The following CRAMP1 variants were observed in gnomAD, a reference collection of about 807,000 sequenced individuals.
CRAMP1 encodes the protein cramped chromatin regulator 1.
A neutral mutation model predicts 115.4 loss-of-function variants in CRAMP1; 50 were observed. That is an observed-to-expected ratio of 0.43 (90% CI 0.35 to 0.55). CRAMP1 has a LOEUF of 0.55. CRAMP1 is among the 20% of genes least tolerant of loss of function. The pLI is 0.01. For synonymous variants in CRAMP1, 866 were observed against 745.4 expected (o/e 1.16, Z -2.64); for missense variants, 1,679 against 1,721.7 (o/e 0.98, Z 0.44).
chr16:1,639,569 T>G (rs754363738), intron 5 of CRAMP1, among the ~76,000 whole-genome samples: 3 of 152,158 alleles, frequency 2.0e-5, no homozygotes, highest in Non-Finnish European at 4.4e-5. Flanking sequence ...AAAGTTACAC[T>G]TCTTTGCAAA....
chr16:1,658,189 C>T (rs983939736), intron 10 of CRAMP1, among the ~76,000 whole-genome samples: 3 of 152,042 alleles, frequency 2.0e-5, no homozygotes, highest in Non-Finnish European at 4.4e-5. Context: ...ATCAAGGGGG[C>T]TGGAGGAAAG....
rs1280913332 is a variant in CRAMP1 at position 1,666,742 on chromosome 16, ACT to A, written c.3036+145_3036+146del. The A allele has an allele frequency of 7.9e-6, 6 of 762,532 alleles. No individual in the cohort carries two copies. The highest frequency in any genetic ancestry group is 1.3e-5 in the Non-Finnish European group (6 of 467,876). 47.2% of individuals were successfully genotyped at this position (762,532 alleles called of 1,614,324 possible). A position where few individuals can be genotyped will look rare whatever the true frequency, so the allele number is the denominator to read the frequency against. On this transcript the variant is annotated intron_variant, in intron 16 of 20. Transcript: ENST00000397412. The surrounding 1 kb of genome is among the most constrained non-coding windows in gnomAD (Gnocchi z 5.0). ...ACCAGGGGTGCCATGGCATAAGCAA[ACT>A]CTGTGTAGTACAGAGCAGGAGAGGC...
At position 1,652,853 on chromosome 16, in the gene CRAMP1, T is replaced by C. The variant is rs571037370; in HGVS notation, c.914-180T>C. ...CCTCTCTGGACCAGTCTGTGGCCTT[T>C]GCAAACCCCTGAGCAGCTACATTGG... On this transcript the variant is annotated intron_variant, in intron 7 of 20. Coordinates refer to ENST00000397412, the MANE Select transcript of CRAMP1 (RefSeq NM_020825.4). Among the ~76,000 whole-genome samples, 4 of 152,318 alleles carry C rather than the reference T, an allele frequency of 2.6e-5. No homozygotes were observed. The East Asian group carries it at 7.7e-4, about 29-fold the overall frequency.
Position 1,614,912 on chromosome 16 carries a change from C to A in CRAMP1, c.273C>A (p.Ser91Arg). ...HFLRSSVRPQ[S>R]KRPRKDPPSA... is the part of the protein sequence containing the mutation. ...TCCGGTCCAGCGTGCGGCCGCAGAG[C>A]AAGAGGCCCAGGAAGGATCCTCCGA... The change falls in exon 2 of 21, where the codon AGC (serine) becomes AGA (arginine). Residue 91 changes from serine to arginine, a missense_variant. By Grantham distance (110) the Ser-to-Arg change is moderately radical (BLOSUM62 -1). Coordinates refer to ENST00000397412, the MANE Select transcript of CRAMP1 (RefSeq NM_020825.4). This position sits in a 1 kb window ranked among gnomAD's most constrained non-coding sequence, Gnocchi z 4.4. 1 of 1,315,578 alleles carries A rather than the reference C, an allele frequency of 7.6e-7. No homozygotes were observed. The highest frequency in any genetic ancestry group is 9.7e-7 in the Non-Finnish European group (1 of 1,032,156). 81.5% of individuals were successfully genotyped at this position (1,315,578 alleles called of 1,614,324 possible). A position where few individuals can be genotyped will look rare whatever the true frequency, so the allele number is the denominator to read the frequency against.
chr16:1,654,638 C>T (rs1453211774), intron 8 of CRAMP1, among the ~76,000 whole-genome samples: 1 of 152,172 alleles, frequency 6.6e-6, no homozygotes, highest in Non-Finnish European at 1.5e-5. Flanking sequence ...CACCTCAGCA[C>T]TCACTCCTCT....
chr16:1,627,158 T>G (rs922696693), intron 3 of CRAMP1, among the ~76,000 whole-genome samples: 3 of 152,148 alleles, frequency 2.0e-5, no homozygotes, highest in African/African-American at 7.2e-5. Context: ...TCTTTTTTTT[T>G]TTTTGGAGAT....
Position 1,666,179 on chromosome 16 carries a change from T to G in CRAMP1, c.2857+2T>G. The G allele has an allele frequency of 6.3e-7, 1 of 1,591,754 alleles. No individual in the cohort carries two copies. Reference sequence around the variant, plus strand: ...CCCAGGCCACGAGTCACCTGGCCAGTAAGTCTGTACCTGCATGGCCACAGC... The same window carrying G: ...CCCAGGCCACGAGTCACCTGGCCAGGAAGTCTGTACCTGCATGGCCACAGC... On this transcript the variant is annotated splice_donor_variant, in intron 15 of 20. Coordinates refer to ENST00000397412, the MANE Select transcript of CRAMP1 (RefSeq NM_020825.4). LOFTEE classifies it high-confidence loss of function. This position sits in a 1 kb window ranked among gnomAD's most constrained non-coding sequence, Gnocchi z 5.0.
At chr16:1,650,928 T>C (rs370183156) in intron 6 of CRAMP1, among the ~76,000 whole-genome samples, 3 of 152,240 alleles carry the variant, frequency 2.0e-5, no homozygotes, top group African/African-American at 7.2e-5. Context: ...TGGGGTCCAC[T>C]CCTTGGAATT....
In CRAMP1 at chr16:1,614,761, A is replaced by T. The variant is rs1349986954; in HGVS notation, c.122A>T (p.Glu41Val). The change falls in exon 2 of 21, where the codon GAG (glutamate) becomes GTG (valine). Residue 41 changes from glutamate (E) to valine (V), a missense_variant. Glu to Val is a moderately radical substitution (Grantham distance 121). Around this residue, in one of 8 missense-constraint regions of CRAMP1, gnomAD observed 264 missense variants for 229.7 expected, o/e 1.15. Transcript: ENST00000397412. This position sits in a 1 kb window ranked among gnomAD's most constrained non-coding sequence, Gnocchi z 4.4. ...GCCGGCGGCGCAGACGCGGCCGAGG[A>T]GAGCAGCGGCACAAAGAGGGACGAG... The part of the protein sequence containing the change: ...EGAGGADAAE[E>V]SSGTKRDEKT... 1 of 1,365,356 alleles carries T rather than the reference A, an allele frequency of 7.3e-7. No individual in the cohort carries two copies. Among genetic ancestry groups the T allele is most frequent in the Admixed American group, 2.6e-5 (1 of 38,502 alleles). The allele number at this position is 1,365,356 out of a possible 1,614,324, so 84.6% of individuals were successfully genotyped here.
intron 2 of CRAMP1, among the ~76,000 whole-genome samples, chr16:1,625,251 C>G (rs1403635810): frequency 6.6e-6 from 1 of 152,064 alleles, no homozygotes; most frequent in Non-Finnish European, 1.5e-5. Flanking sequence ...CCTCCGGTCT[C>G]GGAGGAGCCT....
chr16:1,672,371 C>T lies in CRAMP1; in HGVS notation c.3646-1510C>T, dbSNP rs1439178374. ...TTTCCCGAGAGCCCTCCACTCAGAA[C>T]GTGAGTATGTTTCTCAGCAGGTCCT... On this transcript the variant is annotated intron_variant, in intron 20 of 20. Transcript: ENST00000397412. This position sits in a 1 kb window ranked among gnomAD's most constrained non-coding sequence, Gnocchi z 4.9. 1.3e-5 allele frequency among the ~76,000 whole-genome samples: 2 copies of T among 151,786 alleles called. No homozygotes were observed. Among genetic ancestry groups the T allele is most frequent in the African/African-American group, 2.4e-5 (1 of 41,292 alleles).
At position 1,666,276 on chromosome 16, in the gene CRAMP1, T is replaced by C; in HGVS notation, c.2857+99T>C. 8.5e-7 allele frequency: 1 copy of C among 1,170,396 alleles called. No homozygotes were observed. The highest frequency in any genetic ancestry group is 1.5e-5 in the African/African-American group (1 of 65,534). The allele number at this position is 1,170,396 out of a possible 1,614,324, so 72.5% of individuals were successfully genotyped here. ...ATGTTTTCTTCTCCAAATCATAATG[T>C]CTCATTACCCTTCACCAAGAACATC... On this transcript the variant is annotated intron_variant, in intron 15 of 20. Transcript: ENST00000397412. The surrounding 1 kb of genome is among the most constrained non-coding windows in gnomAD (Gnocchi z 5.0).
At chr16:1,625,952 G>T (rs376777496) in intron 2 of CRAMP1, 21 bp from the exon 3 acceptor site, 38 of 1,551,032 alleles carry the variant, frequency 2.4e-5, no homozygotes, top group Non-Finnish European at 3.3e-5. Context: ...ACAGATCACT[G>T]TACGGTGCTT....
intron 5 of CRAMP1, among the ~76,000 whole-genome samples, chr16:1,640,168 C>T (rs1332374470): frequency 2.6e-5 from 4 of 152,204 alleles, no homozygotes; most frequent in African/African-American, 7.2e-5. Context: ...GAAAAACCTC[C>T]TGTATTTTTT....
chr16:1,616,716 G>A (rs2036423255), intron 2 of CRAMP1, among the ~76,000 whole-genome samples: 4 of 152,126 alleles, frequency 2.6e-5, no homozygotes, highest in African/African-American at 9.7e-5. Context: ...TTGGAGAAGC[G>A]TGGGACTTTT....
At chr16:1,634,533 C>T (rs1006558571) in intron 4 of CRAMP1, among the ~76,000 whole-genome samples, 1 of 152,112 alleles carries the variant, frequency 6.6e-6, no homozygotes, top group South Asian at 2.1e-4. Flanking sequence ...TTCCCTTCTC[C>T]GTGTGGGCCC....
intron 4 of CRAMP1, among the ~76,000 whole-genome samples, chr16:1,635,256 C>T (rs2036578780): frequency 6.6e-6 from 1 of 152,178 alleles, no homozygotes; most frequent in Non-Finnish European, 1.5e-5. Flanking sequence ...TTGTCTGACT[C>T]ATCTTGTGGC....
intron 16 of CRAMP1, 26 bp from the exon 17 acceptor site, chr16:1,667,306 GGCT>G: frequency 6.2e-7 from 1 of 1,606,158 alleles, no homozygotes; most frequent in East Asian, 2.2e-5. Flanking sequence ...TGCACCCTGC[GGCT>G]GCTCATGGGC....
intron 3 of CRAMP1, among the ~76,000 whole-genome samples, chr16:1,631,983 G>T (rs558945754): frequency 6.6e-6 from 1 of 152,276 alleles, no homozygotes; most frequent in East Asian, 1.9e-4. Flanking sequence ...GTATCCATGT[G>T]CTCTGATGGT....
Sources: gnomAD v4.1 joint callset for allele counts (sites outside exome capture counted in the v4.1 genomes callset) on GRCh38, gnomAD v4.1.1 for gene constraint, gnomAD v4.1.1 regional missense constraint, Gnocchi (gnomAD v3.1) non-coding constraint, MANE v1.5 for transcripts, NCBI Gene and HGNC (gene_info 2026-07-23, HGNC 2026-07-21) for gene names.